The following PPM1H variants were observed in gnomAD, a reference collection of about 807,000 sequenced individuals.
PPM1H encodes protein phosphatase, Mg2+/Mn2+ dependent 1H.
A neutral mutation model predicts 54.9 loss-of-function variants in PPM1H; 27 were observed. The observed-to-expected ratio is 0.49, with a 90% CI of 0.36 to 0.68. PPM1H has a LOEUF of 0.68. Ranked by LOEUF, PPM1H falls within the 30% of genes least tolerant of loss-of-function variation. The pLI, the probability that PPM1H is intolerant of heterozygous loss-of-function variation, is 0.00. For missense variants in PPM1H, 596 were observed against 667.8 expected (o/e 0.89, Z 1.19); for synonymous variants, 305 against 270.8 (o/e 1.13, Z -1.24).
intron 2 of PPM1H, among the ~76,000 whole-genome samples, chr12:62,806,093 T>C (rs1314947422): frequency 6.6e-6 from 1 of 151,948 alleles, no homozygotes; most frequent in Non-Finnish European, 1.5e-5. Flanking sequence ...TTCAGAAAAT[T>C]GGTGGACAAA....
intron 9 of PPM1H, among the ~76,000 whole-genome samples, chr12:62,655,246 AT>A (rs1435427206): frequency 3.3e-5 from 5 of 152,114 alleles, no homozygotes; most frequent in African/African-American, 1.2e-4. Flanking sequence ...TAGCTACCAT[AT>A]TGGGCCAGGC....
At chr12:62,667,386 A>T (rs1346008254) in intron 8 of PPM1H, 57 bp from the exon 9 acceptor site, 1 of 1,395,892 alleles carries the variant, frequency 7.2e-7, no homozygotes, top group Non-Finnish European at 9.6e-7. Context: ...TATTCTCCCT[A>T]ACAAACTGAC....
Position 62,737,558 on chromosome 12 carries a change from TA to T in PPM1H, c.897del (p.Ile300SerfsTer56). 2 of 1,585,302 alleles carry T rather than the reference TA, an allele frequency of 1.3e-6. No homozygotes were observed. Among genetic ancestry groups the T allele is most frequent in the South Asian group, 1.2e-5 (1 of 86,192 alleles). On this transcript the variant is annotated frameshift_variant, in exon 5 of 10. Transcript: ENST00000228705. LOFTEE classifies it high-confidence loss of function. ...SRAIIIRNGE[I>X]IPMSSEFTPE... Reference sequence around the variant, plus strand: ...GGGGTAAATTCTGAAGACATGGGGATAATTTCTCCATTTCTGATGATTATGG... The same window carrying T: ...GGGGTAAATTCTGAAGACATGGGGATATTTCTCCATTTCTGATGATTATGG...
At chr12:62,886,870 C>T (rs1870607835) in intron 1 of PPM1H, among the ~76,000 whole-genome samples, 1 of 152,188 alleles carries the variant, frequency 6.6e-6, no homozygotes, top group Non-Finnish European at 1.5e-5. Context: ...GCGGTTTTAA[C>T]TCAGTAAAGG....
At chr12:62,820,531 T>C (rs754339489) in intron 2 of PPM1H, among the ~76,000 whole-genome samples, 18 of 152,156 alleles carry the variant, frequency 1.2e-4, no homozygotes, top group Non-Finnish European at 2.4e-4. Flanking sequence ...GGTGCCCCTC[T>C]GAGACAAAGC....
chr12:62,666,999 G>A (rs372450826), intron 9 of PPM1H, among the ~76,000 whole-genome samples, 179 bp downstream of exon 9: 21 of 152,122 alleles, frequency 1.4e-4, no homozygotes, highest in African/African-American at 4.3e-4. Context: ...GGCATGAGAC[G>A]CCACACCTGG....
chr12:62,718,807 G>A (rs1386633819), intron 6 of PPM1H, among the ~76,000 whole-genome samples: 1 of 152,164 alleles, frequency 6.6e-6, no homozygotes, highest in Non-Finnish European at 1.5e-5. Flanking sequence ...CCCAGTCAGG[G>A]TTGGTATGAT....
At chr12:62,884,874 T>C (rs1297803263) in intron 1 of PPM1H, among the ~76,000 whole-genome samples, 1 of 152,206 alleles carries the variant, frequency 6.6e-6, no homozygotes, top group Admixed American at 6.5e-5. Flanking sequence ...AAGTTCATCC[T>C]GGCTGCTGGC....
intron 4 of PPM1H, among the ~76,000 whole-genome samples, chr12:62,764,789 T>G (rs342154): frequency 0.45 from 67,673 of 151,908 alleles, 15,296 homozygotes; most frequent in Middle Eastern, 0.52. Flanking sequence ...TCCAGGAGGG[T>G]ACAGTGAGGC....
chr12:62,830,458 T>C (rs1285556512), intron 2 of PPM1H, among the ~76,000 whole-genome samples: 1 of 152,120 alleles, frequency 6.6e-6, no homozygotes, highest in Non-Finnish European at 1.5e-5. Flanking sequence ...GGTGTCACTG[T>C]GTTAGCCAGG....
intron 1 of PPM1H, among the ~76,000 whole-genome samples, chr12:62,896,768 A>G (rs182440779): frequency 1.3e-5 from 2 of 152,318 alleles, no homozygotes; most frequent in Non-Finnish European, 2.9e-5. Context: ...CCAAAGGCTT[A>G]TAAATCATGC....
intron 2 of PPM1H, among the ~76,000 whole-genome samples, chr12:62,802,679 T>G (rs988120012): frequency 6.7e-6 from 1 of 148,612 alleles, no homozygotes; most frequent in African/African-American, 2.4e-5. Context: ...TTCTCATGCC[T>G]CAGTCTTCTC....
intron 4 of PPM1H, among the ~76,000 whole-genome samples, chr12:62,765,064 G>C (rs1038350447): frequency 6.6e-6 from 1 of 152,192 alleles, no homozygotes; most frequent in African/African-American, 2.4e-5. Flanking sequence ...AGGGCTTTGA[G>C]AGGAGGGTTT....
At position 62,832,136 on chromosome 12, in the gene PPM1H, C is replaced by G. The variant is rs1868372927; in HGVS notation, c.389G>C (p.Gly130Ala). The change falls in exon 2 of 10, where the codon GGG (glycine) becomes GCG (alanine). Residue 130 changes from glycine (G) to alanine (A), a missense_variant. Physicochemically the swap from Gly to Ala is moderately conservative, Grantham distance 60 (BLOSUM62 0). Around this residue, in one of 3 missense-constraint regions of PPM1H, gnomAD observed 382 missense variants for 387.1 expected, o/e 0.99. Coordinates refer to ENST00000228705, the MANE Select transcript of PPM1H (RefSeq NM_020700.2). ...KRRSSLPNGE[G>A]LQLKENSESE... ...TACCGAGTTCTCCTTCAGCTGCAGC[C>G]CTTCCCCATTGGGAAGGGAGGACCG... 1 of 1,613,750 alleles carries G rather than the reference C, an allele frequency of 6.2e-7. No individual in the cohort carries two copies. Among genetic ancestry groups the G allele is most frequent in the African/African-American group, 1.3e-5 (1 of 74,886 alleles).
intron 4 of PPM1H, among the ~76,000 whole-genome samples, chr12:62,738,990 C>T (rs572280049): frequency 4.2e-5 from 3 of 72,210 alleles, no homozygotes; most frequent in Admixed American, 1.2e-4. Flanking sequence ...GGGGTCGGGG[C>T]GGGGGCGGCG....
chr12:62,786,987 T>G (rs903264647), intron 4 of PPM1H, among the ~76,000 whole-genome samples: 1 of 152,166 alleles, frequency 6.6e-6, no homozygotes, highest in African/African-American at 2.4e-5. Flanking sequence ...GCAACAGACC[T>G]TCAACAAACA....
At chr12:62,872,297 G>C (rs1357478374) in intron 1 of PPM1H, among the ~76,000 whole-genome samples, 1 of 152,178 alleles carries the variant, frequency 6.6e-6, no homozygotes, top group Non-Finnish European at 1.5e-5. Context: ...CATGGTTCTA[G>C]ATGCTACATT....
chr12:62,798,133 C>A (rs1008857285), intron 3 of PPM1H, among the ~76,000 whole-genome samples: 1 of 152,154 alleles, frequency 6.6e-6, no homozygotes, highest in Non-Finnish European at 1.5e-5. Context: ...AAAAAAAACA[C>A]AGATCACAGA....
At chr12:62,703,377 CT>C (rs74743665) in intron 6 of PPM1H, among the ~76,000 whole-genome samples, 8,323 of 136,708 alleles carry the variant, frequency 0.061, 283 homozygotes, top group Admixed American at 0.11. Context: ...AAAAGGAGCC[CT>C]TTTTTTTTTT....
Sources: allele counts gnomAD v4.1 joint callset (sites outside exome capture counted in the v4.1 genomes callset), GRCh38; gene constraint gnomAD v4.1.1; regional missense constraint gnomAD v4.1.1; transcripts MANE v1.5; gene names NCBI Gene and HGNC (gene_info 2026-07-23, HGNC 2026-07-21).